Variants in VRK1 observed in about 807,000 individuals in gnomAD.
VRK1 encodes VRK serine/threonine kinase 1.
A neutral mutation model predicts 57.1 loss-of-function variants in VRK1; 33 were observed. The ratio of observed to expected loss-of-function variants is 0.58; its 90% confidence interval spans 0.44 to 0.77. VRK1 has a LOEUF of 0.77. Among genes scored for constraint, VRK1 ranks in the 30% least tolerant of loss-of-function variants. The pLI is 0.00. For missense variants in VRK1, 413 were observed against 477.3 expected (o/e 0.87, Z 1.25); for synonymous variants, 137 against 147.8 (o/e 0.93, Z 0.53).
rs1223645705 is a variant in VRK1, at chr14:96,860,733, A to T, written c.1066A>T (p.Lys356Ter). The T allele has an allele frequency of 6.2e-7, 1 of 1,612,098 alleles. No homozygotes were observed. Among genetic ancestry groups the T allele is most frequent in the Admixed American group, 1.7e-5 (1 of 59,772 alleles). Residue 356 changes from lysine (K) to a stop codon, truncating the protein, a stop_gained and splice_region_variant, in exon 11 of 13, where the codon AAG (lysine) becomes TAG (stop). Coordinates refer to ENST00000216639, the MANE Select transcript of VRK1 (RefSeq NM_003384.3). LOFTEE classifies it high-confidence loss of function. ...AGGTTTGAAAGCAAAAACAATAACA[A>T]AGGTGAATTTTGTTATTAAATTATT... ...NGGLKAKTIT[K>*]KRKKEIEESK...
At chr14:96,877,351 A>G (rs1889081787) in intron 12 of VRK1, 2 of 423,170 alleles carry the variant, frequency 4.7e-6, no homozygotes, top group Non-Finnish European at 8.5e-6. Flanking sequence ...TTTTAACCCA[A>G]AGAATACTTG....
intron 2 of VRK1, among the ~76,000 whole-genome samples, chr14:96,835,821 C>T (rs1410885563): frequency 6.6e-6 from 1 of 152,192 alleles, no homozygotes; most frequent in Non-Finnish European, 1.5e-5. Context: ...AGGTCATTAT[C>T]ATGTCTTGTC....
intron 3 of VRK1, among the ~76,000 whole-genome samples, chr14:96,845,893 A>G (rs1887665549): frequency 6.6e-6 from 1 of 152,162 alleles, no homozygotes; most frequent in Non-Finnish European, 1.5e-5. Context: ...TAGAAATGGA[A>G]CTTGAGCAAT....
intron 11 of VRK1, 162 bp downstream of exon 11, chr14:96,860,897 A>G (rs1888365405): frequency 5.0e-6 from 3 of 598,890 alleles, no homozygotes; most frequent in Non-Finnish European, 8.4e-6. Context: ...AGGGTTGTAG[A>G]AAAATAAATA....
At position 96,845,630 on chromosome 14, in the gene VRK1, C is replaced by T. The variant is rs369109607; in HGVS notation, c.217-465C>T. Among the ~76,000 whole-genome samples the T allele has an allele frequency of 5.0e-4, 76 of 152,064 alleles. 1 individual carries two copies. The South Asian group carries it at 0.015, about 31-fold the overall frequency. Reference sequence around the variant, plus strand: ...TTCTTTGTGGTAAGGTCTGTTTTTGCCAGTCCTGATAAAGTAGATATAAGT... The same window carrying T: ...TTCTTTGTGGTAAGGTCTGTTTTTGTCAGTCCTGATAAAGTAGATATAAGT... On this transcript the variant is annotated intron_variant, in intron 3 of 12. Transcript: ENST00000216639.
At chr14:96,871,483 C>T (rs1888820212) in intron 11 of VRK1, among the ~76,000 whole-genome samples, 2 of 152,224 alleles carry the variant, frequency 1.3e-5, no homozygotes. Flanking sequence ...TAAGAACACT[C>T]ATTTATGGAA....
intron 11 of VRK1, among the ~76,000 whole-genome samples, chr14:96,867,456 A>T (rs1350421869): frequency 2.0e-5 from 3 of 148,492 alleles, no homozygotes; most frequent in East Asian, 2.0e-4. Flanking sequence ...TCTGTGCACA[A>T]GTGTGTGTGT....
chr14:96,805,595 A>G (rs546972639), intron 1 of VRK1, among the ~76,000 whole-genome samples: 1 of 152,328 alleles, frequency 6.6e-6, no homozygotes, highest in Non-Finnish European at 1.5e-5. Flanking sequence ...ATGGCTGTAG[A>G]TTAGACTTAA....
Position 96,808,020 on chromosome 14 carries a change from T to C in VRK1, c.-6+10573T>C, listed in dbSNP as rs1471482649. 1.5e-3 allele frequency among the ~76,000 whole-genome samples: 49 copies of C among 31,840 alleles called. 1 individual carries two copies. Among genetic ancestry groups the C allele is most frequent in the African/African-American group, 4.4e-3 (46 of 10,516 alleles). 20.9% of individuals were successfully genotyped at this position (31,840 alleles called of 152,430 possible). ...CTCTCTCCCTCTCTCTCTCCCTCTGTGTGTGTGTGTGTGTGTGTGTGTGTG... is the reference window on the plus strand; with the variant it reads ...CTCTCTCCCTCTCTCTCTCCCTCTGCGTGTGTGTGTGTGTGTGTGTGTGTG... On this transcript the variant is annotated intron_variant, in intron 1 of 12. Coordinates refer to ENST00000216639, the MANE Select transcript of VRK1 (RefSeq NM_003384.3).
intron 5 of VRK1, 50 bp downstream of exon 5, chr14:96,847,394 T>C (rs1234163912): frequency 6.8e-7 from 1 of 1,477,478 alleles, no homozygotes; most frequent in African/African-American, 1.4e-5. Flanking sequence ...CAACATTCAC[T>C]ATTTAGTTGG....
intron 10 of VRK1, among the ~76,000 whole-genome samples, chr14:96,857,560 G>T (rs1412063494): frequency 6.6e-6 from 1 of 152,150 alleles, no homozygotes; most frequent in Non-Finnish European, 1.5e-5. Flanking sequence ...GAGGGGAAGG[G>T]TCTCCTGCTT....
rs375340031 is a variant in VRK1 at position 96,860,513 on chromosome 14, A to G, written c.890-44A>G. 122 of 1,559,176 alleles carry G rather than the reference A, an allele frequency of 7.8e-5. No individual in the cohort carries two copies. In the African/African-American group the frequency reaches 1.5e-3, roughly 19 times the overall value. On this transcript the variant is annotated intron_variant, in intron 10 of 12. Coordinates refer to ENST00000216639, the MANE Select transcript of VRK1 (RefSeq NM_003384.3). ...GAATTATTTTTTTTAGAGGTTAGAG[A>G]GAAATATATTGAAAGTTATAAAATG...
intron 11 of VRK1, among the ~76,000 whole-genome samples, chr14:96,870,224 AACTC>A (rs1276249809): frequency 6.6e-6 from 1 of 152,186 alleles, no homozygotes; most frequent in Non-Finnish European, 1.5e-5. Flanking sequence ...ATGGGACTAA[AACTC>A]AGAAGAGGCC....
chr14:96,840,257 A>G (rs1471426414), intron 3 of VRK1, among the ~76,000 whole-genome samples: 1 of 152,170 alleles, frequency 6.6e-6, no homozygotes, highest in Admixed American at 6.5e-5. Context: ...CTTAGGGGTC[A>G]CAGTCCTGTC....
chr14:96,806,253 A>G (rs1468928384), intron 1 of VRK1, among the ~76,000 whole-genome samples: 1 of 152,202 alleles, frequency 6.6e-6, no homozygotes, highest in Non-Finnish European at 1.5e-5. Flanking sequence ...GGATAAAAGG[A>G]TGTCATCATT....
At chr14:96,840,028 G>A (rs888070971) in intron 3 of VRK1, among the ~76,000 whole-genome samples, 95 of 152,162 alleles carry the variant, frequency 6.2e-4, no homozygotes, top group Non-Finnish European at 2.2e-4. Context: ...TTCTTGTGTC[G>A]TTGTTCGTGA....
At chr14:96,868,927 C>G (rs2139832225) in intron 11 of VRK1, among the ~76,000 whole-genome samples, 1 of 151,748 alleles carries the variant, frequency 6.6e-6, no homozygotes, top group South Asian at 2.1e-4. Flanking sequence ...TCCCAAGTAG[C>G]TGGGATTACA....
At chr14:96,880,772 T>A (rs1309180542) in intron 12 of VRK1, among the ~76,000 whole-genome samples, 1 of 152,216 alleles carries the variant, frequency 6.6e-6, no homozygotes, top group African/African-American at 2.4e-5. Context: ...TCATAACATG[T>A]GTGACCTCAT....
intron 1 of VRK1, among the ~76,000 whole-genome samples, chr14:96,813,347 C>T (rs1886276288): frequency 6.6e-6 from 1 of 152,088 alleles, no homozygotes; most frequent in Admixed American, 6.5e-5. Flanking sequence ...ACACAAATGC[C>T]ATCATTCAAA....
Sources: gnomAD v4.1 joint callset for allele counts (sites outside exome capture counted in the v4.1 genomes callset) on GRCh38, gnomAD v4.1.1 for gene constraint, MANE v1.5 for transcripts, NCBI Gene and HGNC (gene_info 2026-07-23, HGNC 2026-07-21) for gene names.